The following CRTC2 variants were observed in gnomAD, a reference collection of about 807,000 sequenced individuals.
CRTC2 encodes the protein CREB-regulated transcription coactivator 2.
CRTC2 carries 25 observed loss-of-function variants against 70.9 expected under a neutral mutation model. That is an observed-to-expected ratio of 0.35 (90% CI 0.26 to 0.49). CRTC2 has a LOEUF of 0.49. CRTC2 is among the 20% of genes least tolerant of loss of function. CRTC2 has a pLI of 0.98. For missense variants in CRTC2, 737 were observed against 882.6 expected, an observed-to-expected ratio of 0.83 and a Z score of 2.09; for synonymous variants, 330 against 364.1, an observed-to-expected ratio of 0.91 and a Z score of 1.07.
intron 1 of CRTC2, chr1:153,957,931 A>C: frequency 1.5e-6 from 1 of 664,380 alleles, no homozygotes; most frequent in Non-Finnish European, 2.0e-6. Flanking sequence ...ACCAGTTTGG[A>C]GGAGATCACA....
intron 6 of CRTC2, 31 bp downstream of exon 6, chr1:153,953,235 T>A: frequency 9.0e-7 from 1 of 1,108,214 alleles, no homozygotes; most frequent in Non-Finnish European, 1.3e-6. Context: ...AGCTCCATGG[T>A]TACTCCCAAC....
At position 153,958,390 on chromosome 1, in the gene CRTC2, C is replaced by T; in HGVS notation, c.108G>A (p.Glu36=). Residue 36 remains glutamate (E), a synonymous_variant, in exon 1 of 14, where the codon GAG becomes GAA. Coordinates refer to ENST00000368633, the MANE Select transcript of CRTC2 (RefSeq NM_181715.3). ...IALQKQRQAE[E]TAAFEEVMMD... ...TCATCACCTCCTCGAAGGCCGCCGT[C>T]TCCTCGGCCTGACGCTGCTTCTGCA... 1.2e-6 allele frequency: 2 copies of T among 1,613,260 alleles called. No individual in the cohort carries two copies. The highest frequency in any genetic ancestry group is 2.2e-5 in the East Asian group (1 of 44,852).
In CRTC2 at chr1:153,949,179, G is replaced by A; in HGVS notation, c.1610C>T (p.Pro537Leu). The A allele has an allele frequency of 6.2e-7, 1 of 1,614,014 alleles. No homozygotes were observed. ...RQSHYGTPYP[P>L]GPSGHGQQSY... ...CTGTTGCCCATGCCCACTGGGCCCA[G>A]GTGGGTACGGTGTCCCATAATGAGA... The change falls in exon 12 of 14, where the codon CCT (proline) becomes CTT (leucine). Residue 537 changes from proline to leucine, a missense_variant. Around this residue, in one of 3 missense-constraint regions of CRTC2, gnomAD observed 699 missense variants for 823.7 expected, o/e 0.85. Coordinates refer to ENST00000368633, the MANE Select transcript of CRTC2 (RefSeq NM_181715.3).
chr1:153,953,217 A>G (rs753307559), intron 6 of CRTC2, 49 bp downstream of exon 6: 7 of 918,536 alleles, frequency 7.6e-6, no homozygotes, highest in Non-Finnish European at 1.6e-6. Context: ...ATAAATAAAT[A>G]AATAAATAGC....
intron 1 of CRTC2, among the ~76,000 whole-genome samples, chr1:153,955,484 G>A (rs1366981291): frequency 4.0e-5 from 6 of 149,654 alleles, no homozygotes; most frequent in Non-Finnish European, 7.4e-5. Context: ...GGAGAATGGC[G>A]TGAACCTGGG....
Position 153,958,563 on chromosome 1 carries a change from C to G in CRTC2, c.-66G>C. On this transcript the variant is annotated 5_prime_UTR_variant, in exon 1 of 14. Coordinates refer to ENST00000368633, the MANE Select transcript of CRTC2 (RefSeq NM_181715.3). ...CCGCGGCCTCCGCCGCGGCCTCGGC[C>G]CGGCTCCTCCAGCCGTAGCCACCGC... The G allele has an allele frequency of 1.4e-6, 2 of 1,458,338 alleles. No homozygotes were observed. The highest frequency in any genetic ancestry group is 1.8e-6 in the Non-Finnish European group (2 of 1,089,558). 90.3% of individuals were successfully genotyped at this position (1,458,338 alleles called of 1,614,324 possible).
In CRTC2 at chr1:153,953,652, C is replaced by G. The variant is rs1057421931; in HGVS notation, c.435-46G>C. On this transcript the variant is annotated intron_variant, in intron 4 of 13. Coordinates refer to ENST00000368633, the MANE Select transcript of CRTC2 (RefSeq NM_181715.3). ...CATGAGGAGGAAGGCTGGCAGTGGA[C>G]AAGAAGGTGGGCATAGGGGTTGGAA... 4 of 1,440,052 alleles carry G rather than the reference C, an allele frequency of 2.8e-6. No homozygotes were observed. The African/African-American group carries it at 5.6e-5, about 20-fold the overall frequency. The allele number at this position is 1,440,052 out of a possible 1,614,324, so 89.2% of individuals were successfully genotyped here.
At chr1:153,953,451 C>A (rs1180357745) in intron 5 of CRTC2, 82 bp from the exon 6 acceptor site, 6 of 1,521,518 alleles carry the variant, frequency 3.9e-6, no homozygotes, top group Non-Finnish European at 5.4e-6. Flanking sequence ...AAAACACTAG[C>A]TGGTCTGGAA....
At chr1:153,953,666 T>C (rs1571079579) in intron 4 of CRTC2, 60 bp from the exon 5 acceptor site, 4 of 1,271,574 alleles carry the variant, frequency 3.1e-6, no homozygotes, top group African/African-American at 3.0e-5. Flanking sequence ...AAGGTGGGCA[T>C]AGGGGTTGGA....
intron 11 of CRTC2, among the ~76,000 whole-genome samples, chr1:153,950,440 A>C (rs1004438737): frequency 5.3e-5 from 8 of 152,246 alleles, no homozygotes; most frequent in African/African-American, 1.9e-4. Flanking sequence ...AGGGGACCTG[A>C]GTAAAGATGG....
At position 153,951,276 on chromosome 1, in the gene CRTC2, A is replaced by G. The variant is rs1451147455; in HGVS notation, c.1388T>C (p.Leu463Ser). The change falls in exon 11 of 14, where the codon TTG becomes TCG. Residue 463 changes from leucine to serine, a missense_variant. Physicochemically the swap from Leu to Ser is moderately radical, Grantham distance 145 (BLOSUM62 -2). Transcript: ENST00000368633. Reference sequence around the variant, plus strand: ...CACGCATACCTGAGTGATGGAAGACAAGGTGGGTGACATTGTTGGCGAAAA... The same window carrying G: ...CACGCATACCTGAGTGATGGAAGACGAGGTGGGTGACATTGTTGGCGAAAA... ...KQFSPTMSPT[L>S]SSITQGVPLD... 1 of 1,614,032 alleles carries G rather than the reference A, an allele frequency of 6.2e-7. No individual in the cohort carries two copies. Among genetic ancestry groups the G allele is most frequent in the Non-Finnish European group, 8.5e-7 (1 of 1,179,988 alleles).
chr1:153,950,650 C>G (rs1408303809), intron 11 of CRTC2, among the ~76,000 whole-genome samples: 3 of 152,224 alleles, frequency 2.0e-5, no homozygotes, highest in Non-Finnish European at 2.9e-5. Flanking sequence ...AGTCTCAACT[C>G]TTCCTAACTT....
intron 1 of CRTC2, among the ~76,000 whole-genome samples, chr1:153,956,518 G>A (rs1009287554): frequency 3.3e-5 from 5 of 152,232 alleles, no homozygotes; most frequent in Non-Finnish European, 7.3e-5. Context: ...AGAGCTTCCA[G>A]GGTCACACTC....
At position 153,954,901 on chromosome 1, in the gene CRTC2, A is replaced by C; in HGVS notation, c.344T>G (p.Val115Gly). ...GCGGGTGTATCGGCGAAGTGGGGAC[A>C]CCATTCTTCGAGGATCTCGCTGCAC... ...ERVQRDPRRM[V>G]SPLRRYTRHI... The change falls in exon 3 of 14, where the codon GTG becomes GGG. Residue 115 changes from valine (V) to glycine (G), a missense_variant. Val to Gly is a moderately radical substitution (Grantham distance 109). This residue lies in a region of CRTC2 where 699 missense variants were observed against 823.7 expected (regional missense o/e 0.85). Transcript: ENST00000368633. 6.2e-7 allele frequency: 1 copy of C among 1,613,622 alleles called. No homozygotes were observed. The highest frequency in any genetic ancestry group is 8.5e-7 in the Non-Finnish European group (1 of 1,179,994).
At chr1:153,958,250 C>T (rs1366476380) in intron 1 of CRTC2, 95 bp downstream of exon 1, 5 of 1,515,058 alleles carry the variant, frequency 3.3e-6, no homozygotes, top group Non-Finnish European at 4.4e-6. Context: ...CTCTGTTCCG[C>T]CTCCTTCGCT....
chr1:153,958,029 GA>G, intron 1 of CRTC2: 1 of 1,243,204 alleles, frequency 8.0e-7, no homozygotes, highest in Non-Finnish European at 1.0e-6. Flanking sequence ...TCCTCGAGGG[GA>G]CTCCGTCAGG....
rs747576557 is a variant in CRTC2, at chr1:153,949,265, T to A, written c.1524A>T (p.Pro508=). The A allele has an allele frequency of 9.9e-6, 16 of 1,613,980 alleles. No homozygotes were observed. In the Admixed American group the frequency reaches 2.7e-4, roughly 27 times the overall value. The change falls in exon 12 of 14, where the codon CCA becomes CCT. Residue 508 remains proline, a synonymous_variant. Transcript: ENST00000368633. ...CTGAACAAGACTGAGAGGGCAGCCC[T>A]GGCTGCTGTAGAGACTTTGGGGTGT... ...QPHTPKSLQQ[P]GLPSQSCSVQ...
At chr1:153,951,214 G>A in intron 11 of CRTC2, 46 bp downstream of exon 11, 1 of 1,597,142 alleles carries the variant, frequency 6.3e-7, no homozygotes, top group Non-Finnish European at 8.6e-7. Flanking sequence ...CATGGCAGGA[G>A]AAAAGGGAAG....
intron 11 of CRTC2, among the ~76,000 whole-genome samples, chr1:153,949,720 G>A (rs1680221681): frequency 6.6e-6 from 1 of 152,112 alleles, no homozygotes; most frequent in African/African-American, 2.4e-5. Flanking sequence ...ATGGTAGCAG[G>A]CGTCTGTAGT....
Sources: gnomAD v4.1 joint callset for allele counts (sites outside exome capture counted in the v4.1 genomes callset) on GRCh38, gnomAD v4.1.1 for gene constraint, gnomAD v4.1.1 regional missense constraint, MANE v1.5 for transcripts, NCBI Gene and HGNC (gene_info 2026-07-23, HGNC 2026-07-21) for gene names.